The following MYO16 variants were observed in gnomAD, a reference collection of about 807,000 sequenced individuals.
MYO16 encodes the protein myosin XVI, also known as unconventional myosin-XVI.
A neutral mutation model predicts 205.3 loss-of-function variants in MYO16; 94 were observed. The ratio of observed to expected loss-of-function variants is 0.46; its 90% CI spans 0.39 to 0.54. The LOEUF (loss-of-function observed/expected upper bound fraction) is 0.54, where lower values mean the gene tolerates loss of function less well. Among genes scored for constraint, MYO16 ranks in the 20% least tolerant of loss-of-function variants. The probability of loss-of-function intolerance (pLI) is 0.00; values close to 1 mark genes in which losing one functional copy is unlikely to be tolerated. For missense variants in MYO16, 2,315 were observed against 2,387.5 expected, an observed-to-expected ratio of 0.97 and a Z score of 0.63; for synonymous variants, 988 against 954.0, an observed-to-expected ratio of 1.04 and a Z score of -0.66.
chr13:108,837,125 TTGAA>T (rs1434193472), intron 9 of MYO16, among the ~76,000 whole-genome samples: 1 of 152,152 alleles, frequency 6.6e-6, no homozygotes, highest in Non-Finnish European at 1.5e-5. Flanking sequence ...TGGGAGGTAA[TTGAA>T]TGATCAGGGT....
At position 109,019,894 on chromosome 13, in the gene MYO16, A is replaced by T; in HGVS notation, c.2779A>T (p.Met927Leu). ...LKDHGTAFTI[M>L]HYAGRVMYDV... ...AGACCACGGTACAGCCTTCACCATC[A>T]TGCACTACGCAGGAAGGGTAAGTGG... Residue 927 changes from methionine to leucine, a missense_variant, in exon 23 of 35, where the codon ATG becomes TTG. Physicochemically the swap from Met to Leu is conservative, Grantham distance 15. This residue lies in a region of MYO16 where 1,213 missense variants were observed against 1,274.4 expected (regional missense o/e 0.95). Coordinates refer to ENST00000457511, the MANE Select transcript of MYO16 (RefSeq NM_001198950.3). The T allele has an allele frequency of 1.2e-6, 2 of 1,614,138 alleles. No individual in the cohort carries two copies. Among genetic ancestry groups the T allele is most frequent in the Non-Finnish European group, 1.7e-6 (2 of 1,180,000 alleles).
At chr13:109,078,160 T>C (rs986493290) in intron 27 of MYO16, among the ~76,000 whole-genome samples, 2 of 151,934 alleles carry the variant, frequency 1.3e-5, no homozygotes, top group Admixed American at 1.3e-4. Flanking sequence ...CTAGGTGCAG[T>C]GGCTCACGCC....
chr13:109,058,378 G>A (rs1887480441), intron 27 of MYO16, among the ~76,000 whole-genome samples: 1 of 152,080 alleles, frequency 6.6e-6, no homozygotes, highest in Non-Finnish European at 1.5e-5. Flanking sequence ...TGAAGTTTCA[G>A]AAGCACTATC....
rs775871902 is a variant in MYO16, at chr13:108,785,662, G to A, written c.535G>A (p.Val179Met). The change falls in exon 5 of 35, where the codon GTG becomes ATG. Residue 179 changes from valine to methionine, a missense_variant. By Grantham distance (21) the Val-to-Met change is conservative (BLOSUM62 1). Coordinates refer to ENST00000457511, the MANE Select transcript of MYO16 (RefSeq NM_001198950.3). ...LAGANVLLQD[V>M]NGNIPLDYAV... is the part of the protein sequence containing the mutation. ...TGGAGCCAATGTCCTTCTCCAGGAT[G>A]TGAATGGAAATATCCCATTAGATTA... 1.9e-5 allele frequency: 30 copies of A among 1,612,476 alleles called. No individual in the cohort carries two copies. In the Admixed American group the frequency reaches 4.5e-4, roughly 24 times the overall value.
intron 8 of MYO16, among the ~76,000 whole-genome samples, chr13:108,822,096 A>G (rs1448406434): frequency 1.3e-5 from 2 of 152,188 alleles, no homozygotes; most frequent in Non-Finnish European, 1.5e-5. Flanking sequence ...AACCCATGCT[A>G]TAACTGAGCA....
chr13:108,563,475 C>T, the MYO16 span, among the ~76,000 whole-genome samples: 1 of 152,144 alleles, frequency 6.6e-6, no homozygotes, highest in Non-Finnish European at 1.5e-5. Flanking sequence ...CAACCTCCCC[C>T]CAACACACTC....
chr13:108,603,222 C>G lies in MYO16; in HGVS notation c.-39+6983C>G, dbSNP rs1878830064. On this transcript the variant is annotated intron_variant, in intron 1 of 24. Transcript: ENST00000251041. ...GAGATGAAGAGACAGAGGGAATGGT[C>G]AGTTTTGCTAATTAGGAAAATCCTG... Among the ~76,000 whole-genome samples the G allele has an allele frequency of 3.9e-5, 6 of 152,136 alleles. No homozygotes were observed. In the South Asian group the frequency reaches 1.2e-3, roughly 32 times the overall value.
chr13:108,671,470 A>G (rs1881986709), intron 2 of MYO16, among the ~76,000 whole-genome samples: 1 of 152,196 alleles, frequency 6.6e-6, no homozygotes, highest in Non-Finnish European at 1.5e-5. Context: ...TTTAGTGAAT[A>G]GTTTCCATTA....
chr13:108,563,127 T>C, the MYO16 span, among the ~76,000 whole-genome samples: 1 of 152,222 alleles, frequency 6.6e-6, no homozygotes, highest in African/African-American at 2.4e-5. Context: ...GTTTTGTTAT[T>C]GGAGTTTTAA....
chr13:108,889,214 G>A (rs1265329822), intron 14 of MYO16, among the ~76,000 whole-genome samples: 2 of 149,190 alleles, frequency 1.3e-5, no homozygotes, highest in Non-Finnish European at 3.0e-5. Context: ...ACTTCGATGG[G>A]CAGGCCATGC....
At chr13:108,591,239 A>G (rs1167527742), upstream of MYO16, among the ~76,000 whole-genome samples, 1 of 152,206 alleles carries the variant, frequency 6.6e-6, no homozygotes, top group Non-Finnish European at 1.5e-5. Context: ...CTGGGGCATC[A>G]GGAGGTGCTC....
chr13:109,068,494 G>T (rs1283838877), intron 27 of MYO16, among the ~76,000 whole-genome samples: 2 of 134,870 alleles, frequency 1.5e-5, no homozygotes, highest in Non-Finnish European at 3.3e-5. Flanking sequence ...TACGCCTGGG[G>T]TGATATTTAG....
intron 23 of MYO16, among the ~76,000 whole-genome samples, chr13:109,023,973 T>G (rs916388839): frequency 1.4e-4 from 18 of 128,662 alleles, no homozygotes; most frequent in African/African-American, 5.0e-4. Context: ...TATATATTTC[T>G]ATATGTATAT....
intron 16 of MYO16, among the ~76,000 whole-genome samples, chr13:108,927,994 G>A (rs931319614): frequency 9.2e-5 from 14 of 152,276 alleles, no homozygotes; most frequent in African/African-American, 3.1e-4. Context: ...TCTGCCTGAA[G>A]CACTAGGGTA....
At chr13:108,590,268 G>C in the MYO16 span, among the ~76,000 whole-genome samples, 70 of 152,308 alleles carry the variant, frequency 4.6e-4, no homozygotes, top group Non-Finnish European at 8.2e-4. Context: ...TTATGCAGTG[G>C]TTCTCAAACC....
At chr13:108,511,221 C>T in the MYO16 span, among the ~76,000 whole-genome samples, 1 of 137,204 alleles carries the variant, frequency 7.3e-6, no homozygotes, top group Non-Finnish European at 1.6e-5. Flanking sequence ...TCTCTGATGG[C>T]CAGTGATGAT....
intron 1 of MYO16, among the ~76,000 whole-genome samples, chr13:108,620,796 C>A (rs937024739): frequency 6.6e-6 from 1 of 152,202 alleles, no homozygotes; most frequent in East Asian, 1.9e-4. Context: ...AACACACTAT[C>A]CTCTTTATTT....
At chr13:108,608,560 A>T (rs544561222) in intron 1 of MYO16, among the ~76,000 whole-genome samples, 2 of 152,280 alleles carry the variant, frequency 1.3e-5, no homozygotes, top group South Asian at 4.1e-4. Context: ...TATGTTAAAC[A>T]TAATAAATAC....
intron 15 of MYO16, among the ~76,000 whole-genome samples, chr13:108,907,199 T>C (rs992629347): frequency 6.6e-6 from 1 of 152,196 alleles, no homozygotes; most frequent in Non-Finnish European, 1.5e-5. Context: ...TCCACCACTT[T>C]TTTTTTATAT....
Sources: allele counts gnomAD v4.1 joint callset (sites outside exome capture counted in the v4.1 genomes callset), GRCh38; gene constraint gnomAD v4.1.1; regional missense constraint gnomAD v4.1.1; transcripts MANE v1.5; gene names NCBI Gene and HGNC (gene_info 2026-07-23, HGNC 2026-07-21).